MATN2: variants seen among roughly 807,000 people sequenced by gnomAD.
MATN2 encodes the protein matrilin 2.
A neutral mutation model predicts 103.2 loss-of-function variants in MATN2; 69 were observed. That is an observed-to-expected ratio of 0.67 (90% CI 0.55 to 0.82). The LOEUF is 0.82. Ranked by LOEUF, MATN2 falls within the 40% of genes least tolerant of loss-of-function variation. The pLI is 0.00. For synonymous variants in MATN2, 429 were observed against 450.2 expected (o/e 0.95, Z 0.60); for missense variants, 1,023 against 1,211.5 (o/e 0.84, Z 2.31).
intron 2 of MATN2, among the ~76,000 whole-genome samples, chr8:97,916,584 C>G (rs1173455503): frequency 6.6e-6 from 1 of 152,086 alleles, no homozygotes; most frequent in African/African-American, 2.4e-5. Flanking sequence ...TCTATGTGTC[C>G]GTGTGTTCCC....
intron 5 of MATN2, among the ~76,000 whole-genome samples, chr8:97,976,037 C>T (rs1362009741): frequency 6.6e-6 from 1 of 152,212 alleles, no homozygotes; most frequent in Non-Finnish European, 1.5e-5. Flanking sequence ...CTATCCCCAA[C>T]ATAATGGCTT....
chr8:97,925,800 C>T (rs1489939271), intron 2 of MATN2, among the ~76,000 whole-genome samples: 1 of 152,114 alleles, frequency 6.6e-6, no homozygotes, highest in African/African-American at 2.4e-5. Context: ...TTTCAGAGCC[C>T]CCTTTGGTCT....
At chr8:98,019,164 GTCTGTT>G (rs1813487452) in intron 12 of MATN2, among the ~76,000 whole-genome samples, 1 of 150,532 alleles carries the variant, frequency 6.6e-6, no homozygotes, top group Non-Finnish European at 1.5e-5. Context: ...GTATACTATG[GTCTGTT>G]TCTATCTTCT....
chr8:98,025,974 T>C (rs138377598), intron 13 of MATN2, among the ~76,000 whole-genome samples: 2,539 of 151,872 alleles, frequency 0.017, 65 homozygotes, highest in African/African-American at 0.058. Flanking sequence ...GGTCAGGAGT[T>C]CAAGACCAGC....
At chr8:98,008,628 GCTCCCTGCCCAGCTGC>G (rs1813054946) in intron 10 of MATN2, among the ~76,000 whole-genome samples, 1 of 152,160 alleles carries the variant, frequency 6.6e-6, no homozygotes, top group Non-Finnish European at 1.5e-5. Flanking sequence ...GCTTTCGGTG[GCTCCCTGCCCAGCTGC>G]CTCCCAGACT....
intron 13 of MATN2, chr8:98,025,788 A>C (rs1486515118): frequency 2.3e-6 from 1 of 432,078 alleles, no homozygotes; most frequent in Non-Finnish European, 4.6e-6. Context: ...GGATCTGTCC[A>C]TTTTTCTTTT....
intron 1 of MATN2, among the ~76,000 whole-genome samples, chr8:97,876,186 AT>A (rs899171638): frequency 0.14 from 14,664 of 106,248 alleles, 1,263 homozygotes; most frequent in African/African-American, 0.34. Context: ...TAATTATTGT[AT>A]TTTTTTTTTT....
intron 4 of MATN2, among the ~76,000 whole-genome samples, chr8:97,952,612 T>C (rs1018070165): frequency 2.6e-5 from 4 of 152,188 alleles, no homozygotes; most frequent in African/African-American, 9.7e-5. Flanking sequence ...TGGTTGGGTT[T>C]GAGCACAGCT....
At chr8:97,879,276 G>A (rs1308921830) in intron 1 of MATN2, among the ~76,000 whole-genome samples, 3 of 152,176 alleles carry the variant, frequency 2.0e-5, no homozygotes, top group Non-Finnish European at 2.9e-5. Flanking sequence ...GTGAGGGACC[G>A]GCATGGATGG....
intron 2 of MATN2, among the ~76,000 whole-genome samples, chr8:97,889,535 C>T (rs1280436770): frequency 6.8e-6 from 1 of 147,086 alleles, no homozygotes; most frequent in Non-Finnish European, 1.5e-5. Flanking sequence ...CCTCCGCCTC[C>T]TGGGTTCAAG....
intron 18 of MATN2, 64 bp downstream of exon 18, chr8:98,033,723 CT>C: frequency 9.4e-7 from 1 of 1,067,372 alleles, no homozygotes; most frequent in South Asian, 1.4e-5. Context: ...ACTTCACACA[CT>C]CTATGTAGGT....
chr8:97,961,347 G>A, intron 4 of MATN2, 61 bp from the exon 5 acceptor site: 1 of 1,514,066 alleles, frequency 6.6e-7, no homozygotes, highest in Non-Finnish European at 8.9e-7. Context: ...GCCTCACCCT[G>A]GGCTGGGAGC....
At chr8:97,945,716 A>AC (rs1340312263) in intron 4 of MATN2, among the ~76,000 whole-genome samples, 1 of 80,106 alleles carries the variant, frequency 1.2e-5, no homozygotes, top group African/African-American at 5.2e-5. Flanking sequence ...AAAAAAAAAA[A>AC]AATATATATA....
At position 98,027,737 on chromosome 8, in the gene MATN2, T is replaced by C; in HGVS notation, c.2264T>C (p.Leu755Pro). The change falls in exon 14 of 19, where the codon CTT becomes CCT. Residue 755 changes from leucine (L) to proline (P), a missense_variant. Leu to Pro is a moderately conservative substitution (Grantham distance 98). Coordinates refer to ENST00000254898, the MANE Select transcript of MATN2 (RefSeq NM_002380.5). ...ACCCAAGGAGAAGGGGCCAGGCCCC[T>C]TTCCACAAGGGTGCCCAGAGCAGCC... ...SFTQGEGARP[L>P]STRVPRAAIV... is the part of the protein sequence containing the mutation. 6.2e-7 allele frequency: 1 copy of C among 1,613,724 alleles called. No homozygotes were observed. The highest frequency in any genetic ancestry group is 8.5e-7 in the Non-Finnish European group (1 of 1,179,832).
chr8:98,021,385 G>T, intron 13 of MATN2, 58 bp downstream of exon 13: 1 of 1,583,658 alleles, frequency 6.3e-7, no homozygotes. Context: ...ACTGCTTTTT[G>T]GAGTATTTTC....
intron 3 of MATN2, among the ~76,000 whole-genome samples, chr8:97,935,254 G>C (rs1373174698): frequency 6.6e-6 from 1 of 152,054 alleles, no homozygotes; most frequent in Non-Finnish European, 1.5e-5. Context: ...AAATTGTCAG[G>C]GTCTGCCTGG....
chr8:97,888,889 C>T (rs771356442), intron 2 of MATN2, among the ~76,000 whole-genome samples: 4 of 152,300 alleles, frequency 2.6e-5, no homozygotes, highest in Non-Finnish European at 5.9e-5. Context: ...GCCTCTGCTA[C>T]TTTCCAGATG....
At chr8:97,948,681 C>T (rs559780362) in intron 4 of MATN2, among the ~76,000 whole-genome samples, 1 of 152,176 alleles carries the variant, frequency 6.6e-6, no homozygotes, top group Non-Finnish European at 1.5e-5. Context: ...GAACATAGAT[C>T]TTGTCTTTAC....
At chr8:98,016,518 C>T (rs768998300) in intron 10 of MATN2, 22 bp from the exon 11 acceptor site, 5 of 1,595,354 alleles carry the variant, frequency 3.1e-6, no homozygotes, top group Non-Finnish European at 4.3e-6. Flanking sequence ...TTCTGTTTCT[C>T]TAATTCCCAT....
Sources: allele counts gnomAD v4.1 joint callset (sites outside exome capture counted in the v4.1 genomes callset), GRCh38; gene constraint gnomAD v4.1.1; transcripts MANE v1.5; gene names NCBI Gene and HGNC (gene_info 2026-07-23, HGNC 2026-07-21).